HMG20A: variants seen among roughly 807,000 people sequenced by gnomAD.
HMG20A encodes high mobility group 20A, also known as high mobility group protein 20A.
Under a neutral mutation model 43.9 loss-of-function variants are expected in HMG20A, and 17 were observed. That is an observed-to-expected ratio of 0.39 (90% CI 0.27 to 0.58). The LOEUF is 0.58. Ranked by LOEUF, HMG20A falls within the 20% of genes least tolerant of loss-of-function variation. The pLI is 0.59. For missense variants in HMG20A, 341 were observed against 438.2 expected, an observed-to-expected ratio of 0.78 and a Z score of 1.98; for synonymous variants, 132 against 147.5, an observed-to-expected ratio of 0.89 and a Z score of 0.76.
At chr15:77,435,442 C>G (rs1055848946) in intron 1 of HMG20A, among the ~76,000 whole-genome samples, 1 of 152,082 alleles carries the variant, frequency 6.6e-6, no homozygotes, top group African/African-American at 2.4e-5. Context: ...TGCCACCATG[C>G]CTGGCTAAAT....
At chr15:77,515,490 T>C in the HMG20A span, among the ~76,000 whole-genome samples, 1 of 152,276 alleles carries the variant, frequency 6.6e-6, no homozygotes, top group East Asian at 1.9e-4. Context: ...GGTTTCCCCA[T>C]GTTGCACAGG....
intron 1 of HMG20A, among the ~76,000 whole-genome samples, chr15:77,453,723 TATA>T (rs2072627463): frequency 2.0e-5 from 3 of 152,298 alleles, no homozygotes; most frequent in African/African-American, 4.8e-5. Context: ...AGCCATCCAG[TATA>T]ATATTATTCA....
intron 4 of HMG20A, among the ~76,000 whole-genome samples, chr15:77,468,599 A>T (rs200124019): frequency 1.9e-4 from 14 of 73,698 alleles, no homozygotes; most frequent in South Asian, 4.2e-4. Context: ...TCTCTCTGTC[A>T]CACACACACA....
chr15:77,518,268 T>A, the HMG20A span, among the ~76,000 whole-genome samples: 1 of 152,310 alleles, frequency 6.6e-6, no homozygotes, highest in African/African-American at 2.4e-5. Context: ...GGGGACCTTC[T>A]AAAGGTGAGC....
At chr15:77,464,640 T>G (rs1157062561) in intron 3 of HMG20A, 1 of 321,668 alleles carries the variant, frequency 3.1e-6, no homozygotes, top group African/African-American at 2.1e-5. Flanking sequence ...GAACAAATAC[T>G]TGTTGAATGA....
chr15:77,508,022 C>G, the HMG20A span, among the ~76,000 whole-genome samples: 2 of 152,108 alleles, frequency 1.3e-5, no homozygotes, highest in Non-Finnish European at 2.9e-5. Flanking sequence ...GCAAGTAGCC[C>G]GCTGCACCCA....
At chr15:77,465,402 T>TTG (rs1218920635) in intron 3 of HMG20A, among the ~76,000 whole-genome samples, 2 of 149,228 alleles carry the variant, frequency 1.3e-5, no homozygotes, top group African/African-American at 2.4e-5. Context: ...TGTTTTTTGT[T>TTG]TTTTTTTTTT....
At chr15:77,454,591 T>C (rs2072637328) in intron 1 of HMG20A, among the ~76,000 whole-genome samples, 1 of 152,194 alleles carries the variant, frequency 6.6e-6, no homozygotes, top group South Asian at 2.1e-4. Flanking sequence ...TTGGATACCA[T>C]ACATTTATAG....
chr15:77,467,359 A>G (rs757545872), intron 4 of HMG20A, 52 bp downstream of exon 4: 2 of 1,444,448 alleles, frequency 1.4e-6, no homozygotes, highest in South Asian at 2.4e-5. Flanking sequence ...TATCTCAGAA[A>G]TAACTTATAT....
At chr15:77,468,770 A>G (rs986258566) in intron 4 of HMG20A, among the ~76,000 whole-genome samples, 1 of 152,088 alleles carries the variant, frequency 6.6e-6, no homozygotes, top group Non-Finnish European at 1.5e-5. Flanking sequence ...GTAGTCATCA[A>G]TTTCATAATT....
chr15:77,507,076 CTGAG>C, the HMG20A span, among the ~76,000 whole-genome samples: 2 of 152,348 alleles, frequency 1.3e-5, no homozygotes, highest in African/African-American at 4.8e-5. Flanking sequence ...GAATAAACGC[CTGAG>C]TAAGAAAGAA....
At chr15:77,430,882 A>G (rs1249441467) in intron 1 of HMG20A, among the ~76,000 whole-genome samples, 1 of 152,194 alleles carries the variant, frequency 6.6e-6, no homozygotes, top group African/African-American at 2.4e-5. Flanking sequence ...TAACATACAT[A>G]TGACTGGAGG....
chr15:77,445,026 T>C (rs1432041713), intron 1 of HMG20A, among the ~76,000 whole-genome samples: 1 of 151,342 alleles, frequency 6.6e-6, no homozygotes, highest in African/African-American at 2.4e-5. Flanking sequence ...AGGAAGAAAA[T>C]TTAATTTGTA....
the HMG20A span, among the ~76,000 whole-genome samples, chr15:77,504,224 C>T: frequency 2.0e-5 from 3 of 152,222 alleles, no homozygotes; most frequent in Non-Finnish European, 4.4e-5. Context: ...CCACACCTAG[C>T]CTAGTGGCAA....
the HMG20A span, among the ~76,000 whole-genome samples, chr15:77,507,876 G>GT: frequency 6.6e-6 from 1 of 151,500 alleles, no homozygotes; most frequent in Non-Finnish European, 1.5e-5. Flanking sequence ...AAAGCATGTT[G>GT]TGGGGGGGCG....
At chr15:77,517,441 A>T in the HMG20A span, among the ~76,000 whole-genome samples, 22 of 151,970 alleles carry the variant, frequency 1.4e-4, no homozygotes, top group Middle Eastern at 3.4e-3. Context: ...ACCTGGAGAT[A>T]GTGATGAGAA....
At chr15:77,493,686 G>C in the HMG20A span, among the ~76,000 whole-genome samples, 1 of 152,192 alleles carries the variant, frequency 6.6e-6, no homozygotes, top group African/African-American at 2.4e-5. Context: ...TGGGGAAGAG[G>C]ATGGAATACA....
chr15:77,440,554 T>C (rs112033816), intron 1 of HMG20A, among the ~76,000 whole-genome samples: 2,289 of 152,288 alleles, frequency 0.015, 58 homozygotes, highest in African/African-American at 0.052. Flanking sequence ...CTTTTCTCAC[T>C]TATGCTATTT....
chr15:77,518,842 G>A, the HMG20A span, among the ~76,000 whole-genome samples: 4 of 152,308 alleles, frequency 2.6e-5, no homozygotes, highest in African/African-American at 9.6e-5. Context: ...TTCCTTTGGG[G>A]GTGCTGTACT....
Sources: allele counts gnomAD v4.1 joint callset (sites outside exome capture counted in the v4.1 genomes callset), GRCh38; gene constraint gnomAD v4.1.1; transcripts MANE v1.5; gene names NCBI Gene and HGNC (gene_info 2026-07-23, HGNC 2026-07-21).